The following KIRREL1 variants were observed in gnomAD, a reference collection of about 807,000 sequenced individuals.
The protein encoded by KIRREL1 is kirre like nephrin family adhesion molecule 1, also known as kin of IRRE-like protein 1.
Under a neutral mutation model 83.3 loss-of-function variants are expected in KIRREL1, and 25 were observed. That is an observed-to-expected ratio of 0.30 (90% CI 0.22 to 0.42). The LOEUF is 0.42. KIRREL1 is among the 10% of genes least tolerant of loss of function. KIRREL1 has a pLI of 1.00. For synonymous variants in KIRREL1, 388 were observed against 410.4 expected, an observed-to-expected ratio of 0.95 and a Z score of 0.66; for missense variants, 812 against 1,032.3, an observed-to-expected ratio of 0.79 and a Z score of 2.92.
At chr1:157,997,509 C>G (rs1467043960) in intron 1 of KIRREL1, among the ~76,000 whole-genome samples, 1 of 151,998 alleles carries the variant, frequency 6.6e-6, no homozygotes, top group Non-Finnish European at 1.5e-5. Context: ...TCCAGCTCCC[C>G]AGATTCTTGG....
intron 1 of KIRREL1, among the ~76,000 whole-genome samples, chr1:158,034,880 C>T (rs1660432227): frequency 6.6e-6 from 1 of 152,092 alleles, no homozygotes; most frequent in Non-Finnish European, 1.5e-5. Context: ...CTCATGCTAC[C>T]AGATATAAAT....
intron 1 of KIRREL1, among the ~76,000 whole-genome samples, chr1:158,038,854 C>G (rs578076562): frequency 2.1e-4 from 32 of 152,294 alleles, no homozygotes; most frequent in African/African-American, 6.5e-4. Context: ...CGTAGTAGGT[C>G]TTCAATAAAC....
At chr1:158,020,739 C>G (rs77168594) in intron 1 of KIRREL1, among the ~76,000 whole-genome samples, 1 of 151,906 alleles carries the variant, frequency 6.6e-6, no homozygotes, top group Non-Finnish European at 1.5e-5. Context: ...GGTACTATCA[C>G]GTAATATGTG....
At chr1:157,998,744 A>T (rs751733622) in intron 1 of KIRREL1, among the ~76,000 whole-genome samples, 2 of 152,178 alleles carry the variant, frequency 1.3e-5, no homozygotes, top group Non-Finnish European at 2.9e-5. Context: ...GGCTTGTTCT[A>T]ACCCGCCTGG....
rs531761871 is a variant in KIRREL1, at chr1:158,036,369, T to A, written c.53-39744T>A. On this transcript the variant is annotated intron_variant, in intron 1 of 14. Transcript: ENST00000359209. ...GGCAGTGATAGACAGTTTAGGTGGC[T>A]TAGGGAGCTAAACTAACGTGGAGAA... 1.2e-4 allele frequency among the ~76,000 whole-genome samples: 19 copies of A among 152,292 alleles called. 1 individual carries two copies. In the South Asian group the frequency reaches 3.7e-3, roughly 30 times the overall value.
intron 1 of KIRREL1, among the ~76,000 whole-genome samples, chr1:158,062,832 C>T (rs1315909521): frequency 6.6e-6 from 1 of 152,268 alleles, no homozygotes; most frequent in African/African-American, 2.4e-5. Flanking sequence ...AGATGTGCCA[C>T]AGCTTCCACT....
intron 1 of KIRREL1, among the ~76,000 whole-genome samples, chr1:158,021,404 G>T (rs900750809): frequency 1.3e-5 from 2 of 152,106 alleles, no homozygotes; most frequent in Non-Finnish European, 2.9e-5. Flanking sequence ...TATGGAAGGA[G>T]CCCTGTTTGA....
intron 1 of KIRREL1, among the ~76,000 whole-genome samples, chr1:157,998,964 T>C (rs1280493432): frequency 6.6e-6 from 1 of 152,216 alleles, no homozygotes; most frequent in Non-Finnish European, 1.5e-5. Context: ...CTGAAGGGCA[T>C]ACCTGAGGTG....
chr1:158,017,156 T>C (rs2101646675), intron 1 of KIRREL1, among the ~76,000 whole-genome samples: 1 of 152,288 alleles, frequency 6.6e-6, no homozygotes, highest in African/African-American at 2.4e-5. Context: ...ACACTCATCA[T>C]TGCACGCACG....
At chr1:158,003,442 T>C (rs960654643) in intron 1 of KIRREL1, among the ~76,000 whole-genome samples, 1 of 152,168 alleles carries the variant, frequency 6.6e-6, no homozygotes, top group African/African-American at 2.4e-5. Context: ...CCTTGAGGAA[T>C]TGACTTGCTC....
At chr1:157,998,254 G>T (rs1419179059) in intron 1 of KIRREL1, among the ~76,000 whole-genome samples, 2 of 152,128 alleles carry the variant, frequency 1.3e-5, no homozygotes, top group Non-Finnish European at 2.9e-5. Flanking sequence ...CTTCTCCTTT[G>T]CCAGATCCTA....
chr1:158,045,398 T>A (rs542766500), intron 1 of KIRREL1, among the ~76,000 whole-genome samples: 1 of 152,366 alleles, frequency 6.6e-6, no homozygotes, highest in African/African-American at 2.4e-5. Flanking sequence ...TCTGACCAAG[T>A]AACTACAAAT....
chr1:158,045,482 C>A (rs947907100), intron 1 of KIRREL1, among the ~76,000 whole-genome samples: 1 of 152,180 alleles, frequency 6.6e-6, no homozygotes, highest in Non-Finnish European at 1.5e-5. Context: ...AAGTGCTATA[C>A]TATTACAGTT....
At chr1:158,077,239 A>G (rs1466935541) in intron 2 of KIRREL1, among the ~76,000 whole-genome samples, 1 of 152,112 alleles carries the variant, frequency 6.6e-6, no homozygotes, top group Non-Finnish European at 1.5e-5. Context: ...AGAGCAATCC[A>G]TATAAGGGAA....
chr1:158,003,271 C>T (rs1008937933), intron 1 of KIRREL1, among the ~76,000 whole-genome samples: 1 of 152,064 alleles, frequency 6.6e-6, no homozygotes, highest in African/African-American at 2.4e-5. Flanking sequence ...GAGGAGAGAA[C>T]ATAGTAGAGA....
chr1:158,034,176 G>C (rs1660406024), intron 1 of KIRREL1, among the ~76,000 whole-genome samples: 2 of 151,438 alleles, frequency 1.3e-5, no homozygotes, highest in South Asian at 4.2e-4. Context: ...AGGAGGCTGA[G>C]GGAGAATGGC....
chr1:158,072,414 G>C (rs1161829238), intron 1 of KIRREL1, among the ~76,000 whole-genome samples: 1 of 152,178 alleles, frequency 6.6e-6, no homozygotes, highest in East Asian at 1.9e-4. Flanking sequence ...TTGACTATAA[G>C]TGGCACAGTC....
intron 1 of KIRREL1, among the ~76,000 whole-genome samples, chr1:158,016,311 A>G (rs1659823925): frequency 6.6e-6 from 1 of 152,164 alleles, no homozygotes; most frequent in African/African-American, 2.4e-5. Context: ...CTCAAAAAAA[A>G]AAAAGAAAGC....
chr1:158,087,668 T>G, intron 5 of KIRREL1, 87 bp from the exon 6 acceptor site: 1 of 830,336 alleles, frequency 1.2e-6, no homozygotes, highest in South Asian at 1.8e-5. Flanking sequence ...CCCGCCAGAG[T>G]GGTCAGGTCT....
Sources: allele counts gnomAD v4.1 joint callset (sites outside exome capture counted in the v4.1 genomes callset), GRCh38; gene constraint gnomAD v4.1.1; transcripts MANE v1.5; gene names NCBI Gene and HGNC (gene_info 2026-07-23, HGNC 2026-07-21).